The following DYM variants were observed in gnomAD, a reference collection of about 807,000 sequenced individuals.
DYM encodes the protein dyggve-Melchior-Clausen syndrome protein.
DYM carries 78 observed loss-of-function variants against 93.1 expected under a neutral mutation model. The ratio of observed to expected loss-of-function variants is 0.84; its 90% CI spans 0.70 to 1.01. The LOEUF (loss-of-function observed/expected upper bound fraction) is 1.01, where lower values mean the gene tolerates loss of function less well. Ranked by LOEUF, DYM falls within the 50% of genes least tolerant of loss-of-function variation. The probability of loss-of-function intolerance (pLI) is 0.00; values close to 1 mark genes in which losing one functional copy is unlikely to be tolerated. For synonymous variants in DYM, 321 were observed against 319.7 expected (o/e 1.00, Z -0.04); for missense variants, 789 against 845.0 (o/e 0.93, Z 0.82).
rs540189318 is a variant in DYM, at chr18:49,195,916, C to CTTTTTTT, written c.1625+13628_1625+13634dup. ...ATTATGCTCTCTTGAATGCTACCAT[C>CTTTTTTT]TTTTTTTTTTTTTTTTTTTTTTTTT... is the stretch of plus-strand genomic sequence containing the variant. On this transcript the variant is annotated intron_variant, in intron 14 of 17. Coordinates refer to ENST00000675505, the MANE Select transcript of DYM (RefSeq NM_001353214.3). 1.5e-3 allele frequency among the ~76,000 whole-genome samples: 123 copies of CTTTTTTT among 84,034 alleles called. 5 individuals are homozygous for CTTTTTTT. Among genetic ancestry groups the CTTTTTTT allele is most frequent in the African/African-American group, 2.7e-3 (48 of 17,748 alleles). The allele number at this position is 84,034 out of a possible 152,430, so 55.1% of individuals were successfully genotyped here.
At chr18:49,124,327 G>A (rs955135463) in intron 15 of DYM, among the ~76,000 whole-genome samples, 3 of 151,940 alleles carry the variant, frequency 2.0e-5, no homozygotes, top group Admixed American at 6.6e-5. Flanking sequence ...AACTGAGCAA[G>A]ACCCCATCTC....
intron 1 of DYM, among the ~76,000 whole-genome samples, chr18:49,453,938 C>T (rs1311259768): frequency 2.6e-5 from 4 of 152,224 alleles, no homozygotes; most frequent in East Asian, 1.9e-4. Context: ...TCCAATGCCA[C>T]TTATCCTAAA....
intron 13 of DYM, among the ~76,000 whole-genome samples, chr18:49,241,707 A>G (rs1044203333): frequency 8.5e-5 from 13 of 152,222 alleles, no homozygotes; most frequent in African/African-American, 2.4e-4. Flanking sequence ...TTGCTTCCAA[A>G]TAATCCAGGG....
At chr18:49,425,923 T>C (rs200659299) in intron 2 of DYM, among the ~76,000 whole-genome samples, 13,154 of 150,930 alleles carry the variant, frequency 0.087, 643 homozygotes, top group East Asian at 0.28. Context: ...TGTGGAGAAA[T>C]AGGAACACTT....
chr18:49,104,555 TA>T (rs1465608122), intron 16 of DYM, among the ~76,000 whole-genome samples: 8 of 152,344 alleles, frequency 5.3e-5, no homozygotes, highest in Admixed American at 2.0e-4. Context: ...GGGTCTTTCA[TA>T]GATAGCTCTT....
At chr18:49,366,835 G>A (rs756572897) in intron 5 of DYM, among the ~76,000 whole-genome samples, 1 of 152,098 alleles carries the variant, frequency 6.6e-6, no homozygotes, top group Non-Finnish European at 1.5e-5. Flanking sequence ...AGTAACTCTT[G>A]ATGAATAGTT....
intron 15 of DYM, among the ~76,000 whole-genome samples, chr18:49,163,378 C>T (rs1433100732): frequency 1.3e-5 from 2 of 152,134 alleles, no homozygotes; most frequent in Admixed American, 1.3e-4. Context: ...CAGAGTCTTA[C>T]TGTGTCACCC....
intron 11 of DYM, among the ~76,000 whole-genome samples, chr18:49,262,810 C>G (rs2094510582): frequency 6.6e-6 from 1 of 151,312 alleles, no homozygotes; most frequent in East Asian, 1.9e-4. Flanking sequence ...TTCCTTGTAA[C>G]CACTCTAGAG....
chr18:49,218,332 A>T (rs1270972233), intron 13 of DYM, among the ~76,000 whole-genome samples: 1 of 152,232 alleles, frequency 6.6e-6, no homozygotes. Context: ...CACTGTCAAC[A>T]TTAGACAGAT....
chr18:49,241,866 C>T (rs1467683125), intron 13 of DYM, among the ~76,000 whole-genome samples: 3 of 152,208 alleles, frequency 2.0e-5, no homozygotes, highest in African/African-American at 4.8e-5. Context: ...AAGCTGATCA[C>T]TCATTTGAGG....
intron 2 of DYM, among the ~76,000 whole-genome samples, chr18:49,425,486 A>G (rs1341178369): frequency 1.3e-5 from 2 of 152,168 alleles, no homozygotes; most frequent in Non-Finnish European, 2.9e-5. Context: ...AGGCATGGGC[A>G]AGGACTTCAT....
intron 8 of DYM, among the ~76,000 whole-genome samples, chr18:49,315,107 CAGAAGGCTGA>C (rs754637339): frequency 1.7e-3 from 258 of 151,946 alleles, no homozygotes; most frequent in Non-Finnish European, 3.2e-3. Context: ...CTCAGCTACT[CAGAAGGCTGA>C]GGTGGGAGGA....
At chr18:49,124,508 C>CAA (rs5824778) in intron 15 of DYM, among the ~76,000 whole-genome samples, 33 of 131,782 alleles carry the variant, frequency 2.5e-4, no homozygotes, top group Middle Eastern at 3.8e-3. Context: ...GACCCTGTCT[C>CAA]AAAAAAAAAA....
intron 8 of DYM, among the ~76,000 whole-genome samples, chr18:49,290,934 C>T (rs541957404): frequency 6.6e-6 from 1 of 152,174 alleles, no homozygotes; most frequent in South Asian, 2.1e-4. Context: ...TTCCTGGTCA[C>T]CAACTCCCCC....
chr18:49,095,814 C>T (rs558646411), intron 17 of DYM, among the ~76,000 whole-genome samples: 1 of 152,300 alleles, frequency 6.6e-6, no homozygotes, highest in Admixed American at 6.5e-5. Context: ...AGCCTGCACA[C>T]TGTAATTCAT....
At chr18:49,437,146 C>T (rs1282781429) in intron 1 of DYM, among the ~76,000 whole-genome samples, 1 of 152,046 alleles carries the variant, frequency 6.6e-6, no homozygotes, top group Non-Finnish European at 1.5e-5. Context: ...CAGTGAAAAT[C>T]TCCTTCCCAT....
At chr18:49,322,183 T>G (rs2062535597) in intron 8 of DYM, among the ~76,000 whole-genome samples, 1 of 152,118 alleles carries the variant, frequency 6.6e-6, no homozygotes, top group Non-Finnish European at 1.5e-5. Context: ...ATAATTTGGC[T>G]TGGACACCCA....
intron 2 of DYM, among the ~76,000 whole-genome samples, chr18:49,396,164 CA>C (rs1235698851): frequency 6.6e-6 from 1 of 152,142 alleles, no homozygotes; most frequent in Non-Finnish European, 1.5e-5. Context: ...AAGTGTGAGC[CA>C]AATAAACCTC....
At chr18:49,057,080 A>G (rs1200170913) in intron 17 of DYM, among the ~76,000 whole-genome samples, 1 of 152,216 alleles carries the variant, frequency 6.6e-6, no homozygotes, top group Non-Finnish European at 1.5e-5. Context: ...AACCTGGCTC[A>G]CCATATCCAA....
Sources: allele counts gnomAD v4.1 joint callset (sites outside exome capture counted in the v4.1 genomes callset), GRCh38; gene constraint gnomAD v4.1.1; transcripts MANE v1.5; gene names NCBI Gene and HGNC (gene_info 2026-07-23, HGNC 2026-07-21).